Variants in UBE3C observed in about 807,000 individuals in gnomAD.
UBE3C encodes the protein ubiquitin protein ligase E3C, also known as ubiquitin-protein ligase E3C.
In UBE3C, 42 loss-of-function variants were observed where a neutral mutation model predicts 129.4. The observed-to-expected ratio is 0.32, with a 90% CI of 0.25 to 0.42. The LOEUF is 0.42. Among genes scored for constraint, UBE3C ranks in the 10% least tolerant of loss-of-function variants. UBE3C has a pLI of 1.00. For missense variants in UBE3C, 1,049 were observed against 1,319.1 expected, an observed-to-expected ratio of 0.80 and a Z score of 3.17; for synonymous variants, 510 against 492.4, an observed-to-expected ratio of 1.04 and a Z score of -0.47.
chr7:157,223,044 C>T (rs1056442070), intron 15 of UBE3C: 6 of 496,974 alleles, frequency 1.2e-5, no homozygotes, highest in South Asian at 4.7e-5. Context: ...CTTTAATATT[C>T]GATCAAGTTA....
intron 5 of UBE3C, among the ~76,000 whole-genome samples, chr7:157,177,035 GT>G (rs1808537100): frequency 6.6e-6 from 1 of 151,982 alleles, no homozygotes; most frequent in South Asian, 2.1e-4. Context: ...TTTTAATGCC[GT>G]TGAACATTTC....
chr7:157,221,084 G>A (rs1795724318), intron 15 of UBE3C: 1 of 258,742 alleles, frequency 3.9e-6, no homozygotes, highest in Non-Finnish European at 7.7e-6. Context: ...TGAGGGTGCT[G>A]TGTGGGTTGA....
At chr7:157,158,888 A>G (rs1259657107) in intron 1 of UBE3C, among the ~76,000 whole-genome samples, 3 of 152,258 alleles carry the variant, frequency 2.0e-5, no homozygotes, top group African/African-American at 4.8e-5. Context: ...TTGGGTTAAT[A>G]TGAGAATTTG....
intron 1 of UBE3C, among the ~76,000 whole-genome samples, chr7:157,157,759 G>C (rs1183577267): frequency 6.6e-6 from 1 of 152,136 alleles, no homozygotes; most frequent in East Asian, 1.9e-4. Context: ...TGGATCACCT[G>C]AGGTCAACAG....
At position 157,180,726 on chromosome 7, in the gene UBE3C, T is replaced by C. The variant is rs115611849; in HGVS notation, c.617-792T>C. Among the ~76,000 whole-genome samples the C allele has an allele frequency of 4.6e-3, 695 of 152,340 alleles. 5 individuals are homozygous for C. The highest frequency in any genetic ancestry group is 0.016 in the African/African-American group (660 of 41,588). ...ATGTTCACTGCCTCCCACCCAGAGT[T>C]CCTATCAGAAGCGTAGGCTGGATAT... On this transcript the variant is annotated intron_variant, in intron 6 of 22. Coordinates refer to ENST00000348165, the MANE Select transcript of UBE3C (RefSeq NM_014671.3).
At chr7:157,188,379 C>G (rs1424306137) in intron 10 of UBE3C, among the ~76,000 whole-genome samples, 1 of 152,220 alleles carries the variant, frequency 6.6e-6, no homozygotes, top group Non-Finnish European at 1.5e-5. Context: ...GAGGTGCTGT[C>G]TTCACTCACT....
chr7:157,187,004 G>T lies in UBE3C; in HGVS notation c.1314G>T (p.Met438Ile), dbSNP rs772653326. The T allele has an allele frequency of 2.5e-6, 4 of 1,606,642 alleles. No homozygotes were observed. The South Asian group carries it at 3.3e-5, about 13-fold the overall frequency. The change falls in exon 10 of 23, where the codon ATG becomes ATT. Residue 438 changes from methionine (M) to isoleucine (I), a missense_variant. Met to Ile is a conservative substitution (Grantham distance 10). Transcript: ENST00000348165. ...VCHTLMVQHRMMVPKVRLLYS... is the reference protein window; with the variant it reads ...VCHTLMVQHRIMVPKVRLLYS... ...ACACGCTGATGGTGCAGCACCGCAT[G>T]ATGGTACCCAAAGTCAGGCAAGTGT...
chr7:157,155,824 T>C (rs556896200), intron 1 of UBE3C, among the ~76,000 whole-genome samples: 4 of 152,210 alleles, frequency 2.6e-5, no homozygotes, highest in Non-Finnish European at 5.9e-5. Context: ...TTGGCTGTGC[T>C]CACTGTGGAT....
chr7:157,175,187 A>G lies in UBE3C; in HGVS notation c.458+153A>G, dbSNP rs560850820. On this transcript the variant is annotated intron_variant, in intron 5 of 22. Transcript: ENST00000348165. ...GTCATGGACTTCTGTATATATTACA[A>G]TTTTTACTGTAGGTGATTCAGGCCG... 1.5e-4 allele frequency among the ~76,000 whole-genome samples: 18 copies of G among 121,762 alleles called. No individual in the cohort carries two copies. In the East Asian group the frequency reaches 3.6e-3, roughly 24 times the overall value. 79.9% of individuals were successfully genotyped at this position (121,762 alleles called of 152,430 possible). A position where few individuals can be genotyped will look rare whatever the true frequency, so the allele number is the denominator to read the frequency against.
At chr7:157,254,174 T>C (rs374316908) in intron 20 of UBE3C, 32 bp downstream of exon 20, 19 of 1,609,832 alleles carry the variant, frequency 1.2e-5, no homozygotes, top group Non-Finnish European at 1.4e-5. Context: ...TGGGACACGC[T>C]TGTCACAGGA....
chr7:157,220,585 G>C (rs1795710241), intron 14 of UBE3C, 104 bp from the exon 15 acceptor site: 1 of 1,347,806 alleles, frequency 7.4e-7, no homozygotes, highest in African/African-American at 1.4e-5. Flanking sequence ...AGAGGGCCCA[G>C]CCCACGGTAG....
intron 1 of UBE3C, among the ~76,000 whole-genome samples, chr7:157,148,020 T>C (rs776176030): frequency 2.0e-5 from 3 of 152,194 alleles, no homozygotes; most frequent in Non-Finnish European, 2.9e-5. Context: ...TTTGTCTGGT[T>C]TGGTATTAGG....
chr7:157,138,969 A>G lies in UBE3C; in HGVS notation c.-304A>G, dbSNP rs961163217. On this transcript the variant is annotated 5_prime_UTR_variant, in exon 1 of 23. Transcript: ENST00000348165. The stretch of plus-strand genomic sequence containing the variant: ...CCGCCATCTTCCCTCCCGAGGCGGC[A>G]GTTCCAGGTGCAAGCGCCGGGTTTG... The G allele has an allele frequency of 2.0e-4, 30 of 152,226 alleles. No individual in the cohort carries two copies. Among genetic ancestry groups the G allele is most frequent in the African/African-American group, 6.8e-4 (28 of 41,376 alleles). The allele number at this position is 152,226 out of a possible 1,614,324, so 9.4% of individuals were successfully genotyped here. A position where few individuals can be genotyped will look rare whatever the true frequency, so the allele number is the denominator to read the frequency against.
chr7:157,190,924 G>A lies in UBE3C; in HGVS notation c.1331+3903G>A, dbSNP rs112790066. 4.9e-3 allele frequency among the ~76,000 whole-genome samples: 745 copies of A among 152,072 alleles called. 4 individuals carry two copies. The highest frequency in any genetic ancestry group is 8.2e-3 in the African/African-American group (339 of 41,474). On this transcript the variant is annotated intron_variant, in intron 10 of 22. Coordinates refer to ENST00000348165, the MANE Select transcript of UBE3C (RefSeq NM_014671.3). ...GTGTTTCGTGCCCCTTTCCTTTTGC[G>A]TATGCCAGTCTCTTCCAGTTAATGT...
At position 157,216,888 on chromosome 7, in the gene UBE3C, A is replaced by T. The variant is rs1272858883; in HGVS notation, c.1831A>T (p.Met611Leu). ...LFKVITNLVK[M>L]LKSRDTRRNF... ...TCAGGTTATCACCAATCTAGTGAAA[A>T]TGTTGAAGTCCAGAGACACGAGGAG... The change falls in exon 14 of 23, where the codon ATG (methionine) becomes TTG (leucine). Residue 611 changes from methionine to leucine, a missense_variant. Met to Leu is a conservative substitution (Grantham distance 15). Transcript: ENST00000348165. 2 of 1,613,960 alleles carry T rather than the reference A, an allele frequency of 1.2e-6. No individual in the cohort carries two copies. The highest frequency in any genetic ancestry group is 1.7e-6 in the Non-Finnish European group (2 of 1,179,946).
intron 14 of UBE3C, among the ~76,000 whole-genome samples, chr7:157,218,547 A>G (rs1045927779): frequency 2.6e-5 from 4 of 152,288 alleles, no homozygotes; most frequent in Admixed American, 1.3e-4. Context: ...TCCTCATAAG[A>G]TATTTGTGAG....
chr7:157,183,807 T>C, intron 8 of UBE3C, 71 bp from the exon 9 acceptor site: 1 of 1,536,786 alleles, frequency 6.5e-7, no homozygotes, highest in Non-Finnish European at 8.8e-7. Context: ...TGAGGAAAAA[T>C]GGCGTCTTCG....
chr7:157,215,611 A>C (rs1162526266), intron 13 of UBE3C, among the ~76,000 whole-genome samples: 2 of 151,086 alleles, frequency 1.3e-5, no homozygotes, highest in Non-Finnish European at 2.9e-5. Flanking sequence ...ATTATAAATC[A>C]GATTGTCCTG....
intron 18 of UBE3C, among the ~76,000 whole-genome samples, chr7:157,242,521 T>TG (rs1563071705): frequency 5.4e-5 from 8 of 146,898 alleles, no homozygotes; most frequent in African/African-American, 1.7e-4. Flanking sequence ...GTTGTTTTTT[T>TG]TTTTTTTTTT....
Sources: gnomAD v4.1 joint callset for allele counts (sites outside exome capture counted in the v4.1 genomes callset) on GRCh38, gnomAD v4.1.1 for gene constraint, MANE v1.5 for transcripts, NCBI Gene and HGNC (gene_info 2026-07-23, HGNC 2026-07-21) for gene names.